Variants in MALRD1 observed in about 807,000 individuals in gnomAD.
MALRD1 encodes MAM and LDL receptor class A domain containing 1, also known as MAM and LDL-receptor class A domain-containing protein 1.
In MALRD1, 247 loss-of-function variants were observed where a neutral mutation model predicts 242.1. That is an observed-to-expected ratio of 1.02 (90% confidence interval 0.92 to 1.13). The LOEUF (loss-of-function observed/expected upper bound fraction) is 1.13. Among genes scored for constraint, MALRD1 ranks in the 50% most tolerant of loss-of-function variants. The pLI, the probability that MALRD1 is intolerant of heterozygous loss-of-function variation, is 0.00. For synonymous variants in MALRD1, 995 were observed against 866.6 expected (o/e 1.15, Z -2.60); for missense variants, 2,989 against 2,533.1 (o/e 1.18, Z -3.86).
chr10:19,546,986 G>A (rs1356467781), intron 32 of MALRD1, among the ~76,000 whole-genome samples: 2 of 151,972 alleles, frequency 1.3e-5, no homozygotes, highest in African/African-American at 2.4e-5. Context: ...TTTCCTGTTT[G>A]CTGTCTTGCA....
intron 18 of MALRD1, among the ~76,000 whole-genome samples, chr10:19,237,448 T>A (rs1465452868): frequency 1.4e-5 from 2 of 147,576 alleles, no homozygotes; most frequent in Admixed American, 1.4e-4. Flanking sequence ...GTCATCCATG[T>A]TGTTGCAACT....
At chr10:19,586,879 C>A (rs1013968115) in intron 33 of MALRD1, among the ~76,000 whole-genome samples, 1 of 152,238 alleles carries the variant, frequency 6.6e-6, no homozygotes, top group African/African-American at 2.4e-5. Flanking sequence ...ATCAGCGAGA[C>A]TCCGTGGGCC....
chr10:19,592,065 A>G (rs1222822225), intron 33 of MALRD1, among the ~76,000 whole-genome samples: 3 of 152,224 alleles, frequency 2.0e-5, no homozygotes, highest in Admixed American at 6.5e-5. Flanking sequence ...TACATCAGAA[A>G]TATTTCATTA....
chr10:19,304,336 C>CTCTCT (rs112202836), intron 21 of MALRD1, among the ~76,000 whole-genome samples: 2 of 151,470 alleles, frequency 1.3e-5, no homozygotes, highest in African/African-American at 2.4e-5. Flanking sequence ...GTCTATCCCT[C>CTCTCT]ATCTCTCTCT....
intron 26 of MALRD1, among the ~76,000 whole-genome samples, chr10:19,366,983 T>A (rs1007345520): frequency 1.3e-5 from 2 of 152,248 alleles, no homozygotes; most frequent in South Asian, 4.1e-4. Context: ...CATTTAAAAT[T>A]TTTTTAAATT....
Position 19,670,397 on chromosome 10 carries a change from G to A in MALRD1, c.6138-21885G>A, listed in dbSNP as rs184984694. On this transcript the variant is annotated intron_variant, in intron 36 of 39. Transcript: ENST00000454679. The stretch of plus-strand genomic sequence containing the variant: ...AAAAGACCCTTTGCCTCCAACACTC[G>A]GAAACCCATTCCTCCTTCTCTTCCC... Among the ~76,000 whole-genome samples, 313 of 152,140 alleles carry A rather than the reference G, an allele frequency of 2.1e-3. 2 individuals are homozygous for A. The highest frequency in any genetic ancestry group is 6.1e-3 in the African/African-American group (255 of 41,502).
At chr10:19,541,555 T>A (rs1006021053) in intron 32 of MALRD1, among the ~76,000 whole-genome samples, 4 of 152,194 alleles carry the variant, frequency 2.6e-5, no homozygotes, top group African/African-American at 9.7e-5. Context: ...GTATTTTTTT[T>A]CTCTTTGTAA....
rs140840004 is a variant in MALRD1, at chr10:19,523,260, A to G, written c.5321-7934A>G. ...GTGCCTTCAGACTTAACCAGTGGAC[A>G]ATCCTGCCTACAGTTCTGCCCATTA... is the stretch of plus-strand genomic sequence containing the variant. On this transcript the variant is annotated intron_variant, in intron 31 of 39. Coordinates refer to ENST00000454679, the MANE Select transcript of MALRD1 (RefSeq NM_001142308.3). 2.4e-3 allele frequency among the ~76,000 whole-genome samples: 366 copies of G among 152,308 alleles called. 7 individuals carry two copies. The East Asian group carries it at 0.05, about 21-fold the overall frequency.
intron 21 of MALRD1, among the ~76,000 whole-genome samples, chr10:19,303,275 A>G (rs1273774241): frequency 1.3e-5 from 2 of 151,870 alleles, no homozygotes; most frequent in South Asian, 2.1e-4. Context: ...CATTAGGTCA[A>G]AATTACTACA....
At chr10:19,454,949 T>A (rs1835568336) in intron 29 of MALRD1, among the ~76,000 whole-genome samples, 1 of 152,156 alleles carries the variant, frequency 6.6e-6, no homozygotes, top group Non-Finnish European at 1.5e-5. Context: ...CTGAATACAT[T>A]ATGGTGCTAT....
chr10:19,539,895 T>TGTGTGTGTGTGTGTGTGTGC, intron 32 of MALRD1, among the ~76,000 whole-genome samples: 1 of 60,606 alleles, frequency 1.7e-5, no homozygotes, highest in East Asian at 5.0e-4. Context: ...TGTGTGTGTG[T>TGTGTGTGTGTGTGTGTGTGC]GTGCGCGCGC....
chr10:19,169,283 G>A (rs1478630346), intron 13 of MALRD1, among the ~76,000 whole-genome samples: 1 of 152,084 alleles, frequency 6.6e-6, no homozygotes, highest in Non-Finnish European at 1.5e-5. Flanking sequence ...CTTTAGATAA[G>A]GAACTGTGGA....
chr10:19,142,103 C>T (rs7913024), intron 10 of MALRD1, among the ~76,000 whole-genome samples: 51,302 of 141,438 alleles, frequency 0.36, 9,271 homozygotes, highest in Admixed American at 0.43. Context: ...ACCCGGGAGG[C>T]GGAGCTTGCA....
chr10:19,097,326 T>G (rs1836077985), intron 4 of MALRD1, among the ~76,000 whole-genome samples: 1 of 152,042 alleles, frequency 6.6e-6, no homozygotes, highest in Admixed American at 6.6e-5. Flanking sequence ...ATTACAGGGG[T>G]TTAGAATACA....
At chr10:19,486,875 A>T (rs1297015618) in intron 29 of MALRD1, among the ~76,000 whole-genome samples, 1 of 152,150 alleles carries the variant, frequency 6.6e-6, no homozygotes, top group Non-Finnish European at 1.5e-5. Context: ...TTTTCAATTG[A>T]TGTCACTTTC....
intron 5 of MALRD1, among the ~76,000 whole-genome samples, chr10:19,105,430 G>T (rs1836429865): frequency 6.6e-6 from 1 of 152,028 alleles, no homozygotes; most frequent in African/African-American, 2.4e-5. Flanking sequence ...GGACACTTAG[G>T]TTGATTTCAT....
chr10:19,624,713 A>G (rs1244577129), intron 36 of MALRD1, among the ~76,000 whole-genome samples: 2 of 151,886 alleles, frequency 1.3e-5, no homozygotes. Context: ...TAAAAATACA[A>G]AAATTAGCCG....
At chr10:19,214,411 C>A (rs1054923132) in intron 18 of MALRD1, among the ~76,000 whole-genome samples, 2 of 152,186 alleles carry the variant, frequency 1.3e-5, no homozygotes, top group African/African-American at 4.8e-5. Context: ...GAGAGAAAGT[C>A]TAGTTCTTGT....
intron 33 of MALRD1, among the ~76,000 whole-genome samples, chr10:19,587,427 A>G (rs16919115): frequency 0.022 from 3,321 of 152,292 alleles, 133 homozygotes; most frequent in African/African-American, 0.077. Flanking sequence ...CTACTTGCAT[A>G]TCATTTTTTC....
Sources: gnomAD v4.1 joint callset for allele counts (sites outside exome capture counted in the v4.1 genomes callset) on GRCh38, gnomAD v4.1.1 for gene constraint, MANE v1.5 for transcripts, NCBI Gene and HGNC (gene_info 2026-07-23, HGNC 2026-07-21) for gene names.